The following CEP63 variants were observed in gnomAD, a reference collection of about 807,000 sequenced individuals.
The protein encoded by CEP63 is centrosomal protein 63, also known as centrosomal protein of 63 kDa.
A neutral mutation model predicts 89.1 loss-of-function variants in CEP63; 84 were observed. The ratio of observed to expected loss-of-function variants is 0.94; its 90% CI spans 0.79 to 1.13. CEP63 has a LOEUF of 1.13. CEP63 is among the 50% of genes most tolerant of loss of function. CEP63 has a pLI of 0.00. For missense variants in CEP63, 838 were observed against 813.3 expected (o/e 1.03, Z -0.37); for synonymous variants, 267 against 272.5 (o/e 0.98, Z 0.20).
intron 14 of CEP63, among the ~76,000 whole-genome samples, chr3:134,560,115 T>A (rs577406929): frequency 1.3e-5 from 2 of 152,352 alleles, no homozygotes; most frequent in Admixed American, 6.5e-5. Context: ...CTCACTTCAC[T>A]TTCTTCCTAA....
chr3:134,542,665 A>C (rs945071585), intron 6 of CEP63, among the ~76,000 whole-genome samples: 3 of 152,212 alleles, frequency 2.0e-5, no homozygotes, highest in African/African-American at 7.2e-5. Context: ...AAGCACCAGG[A>C]AGTAGCTATC....
Position 134,545,801 on chromosome 3 carries a change from A to G in CEP63, c.771A>G (p.Glu257=), listed in dbSNP as rs747435681. The change falls in exon 7 of 15, where the codon GAA becomes GAG. Residue 257 remains glutamate (E), a synonymous_variant. Coordinates refer to ENST00000675561, the MANE Select transcript of CEP63 (RefSeq NM_001353108.3). ...EQQQKEEKLR[E]SEKLLEALQE... ...AGCAAAAAGAAGAAAAATTGAGGGAATCTGAAAAACTATTAGAGGTATGTT... is the reference window on the plus strand; with the variant it reads ...AGCAAAAAGAAGAAAAATTGAGGGAGTCTGAAAAACTATTAGAGGTATGTT... 3.1e-6 allele frequency: 5 copies of G among 1,612,274 alleles called. No homozygotes were observed. The East Asian group carries it at 1.1e-4, about 36-fold the overall frequency.
At chr3:134,751,170 T>C in the CEP63 span, among the ~76,000 whole-genome samples, 45 of 152,246 alleles carry the variant, frequency 3.0e-4, no homozygotes, top group Admixed American at 2.7e-3. Context: ...ATCTAGTTTC[T>C]TTCACTTAGT....
At chr3:134,515,077 T>A (rs1945919739) in intron 3 of CEP63, among the ~76,000 whole-genome samples, 1 of 152,220 alleles carries the variant, frequency 6.6e-6, no homozygotes. Context: ...GGTGTTATAT[T>A]TAAGTCAGGT....
chr3:134,757,789 A>G, the CEP63 span, among the ~76,000 whole-genome samples: 1 of 152,128 alleles, frequency 6.6e-6, no homozygotes, highest in Non-Finnish European at 1.5e-5. Context: ...CACCAAAGGT[A>G]GTGGTGCTAA....
chr3:134,779,124 T>G, the CEP63 span, among the ~76,000 whole-genome samples: 2 of 152,226 alleles, frequency 1.3e-5, no homozygotes, highest in African/African-American at 4.8e-5. Context: ...GTGAAAAATT[T>G]TATCTATTTT....
chr3:134,761,747 C>G, the CEP63 span, among the ~76,000 whole-genome samples: 1 of 152,122 alleles, frequency 6.6e-6, no homozygotes, highest in Non-Finnish European at 1.5e-5. Context: ...CTCTCTCTCT[C>G]TCTCCCCCCT....
At chr3:134,670,569 T>C in the CEP63 span, among the ~76,000 whole-genome samples, 1 of 152,218 alleles carries the variant, frequency 6.6e-6, no homozygotes, top group African/African-American at 2.4e-5. Flanking sequence ...ACTCTCACAT[T>C]AGCAGGACAG....
chr3:134,579,338 T>C (rs1463974946), downstream of CEP63, among the ~76,000 whole-genome samples: 1 of 152,214 alleles, frequency 6.6e-6, no homozygotes, highest in Non-Finnish European at 1.5e-5. Context: ...GCTGGGTTTA[T>C]GTTTAACTTT....
At chr3:134,712,590 C>T in the CEP63 span, among the ~76,000 whole-genome samples, 1 of 152,062 alleles carries the variant, frequency 6.6e-6, no homozygotes, top group Non-Finnish European at 1.5e-5. Context: ...AAAGTTTTTT[C>T]TCTCCCTGGA....
chr3:134,532,556 T>A (rs1475961052), intron 4 of CEP63, among the ~76,000 whole-genome samples: 1 of 152,182 alleles, frequency 6.6e-6, no homozygotes, highest in Non-Finnish European at 1.5e-5. Context: ...ACAAAACTTT[T>A]GTTTAAAATT....
chr3:134,768,033 T>C, the CEP63 span, among the ~76,000 whole-genome samples: 1,067 of 152,284 alleles, frequency 7.0e-3, 10 homozygotes, highest in Non-Finnish European at 9.2e-3. Flanking sequence ...GAGTGTGCTC[T>C]GGGAGCTTCA....
At chr3:134,718,392 G>A in the CEP63 span, among the ~76,000 whole-genome samples, 2 of 152,212 alleles carry the variant, frequency 1.3e-5, no homozygotes, top group Non-Finnish European at 2.9e-5. Flanking sequence ...TTCATGTTAA[G>A]TGAGCAAATA....
the CEP63 span, among the ~76,000 whole-genome samples, chr3:134,594,125 G>C: frequency 3.3e-5 from 5 of 152,202 alleles, no homozygotes; most frequent in Non-Finnish European, 7.3e-5. Flanking sequence ...TATGAGCAAA[G>C]TGTTCACTAG....
chr3:134,679,804 C>A, the CEP63 span, among the ~76,000 whole-genome samples: 1 of 152,180 alleles, frequency 6.6e-6, no homozygotes, highest in South Asian at 2.1e-4. Context: ...CTCACTGCAA[C>A]CTCTGCCTCC....
intron 12 of CEP63, among the ~76,000 whole-genome samples, chr3:134,555,798 A>T (rs1033019271): frequency 1.7e-4 from 26 of 152,048 alleles, no homozygotes; most frequent in African/African-American, 6.0e-4. Context: ...GGAACCAAAA[A>T]AGAGCCCGCA....
chr3:134,541,737 T>C (rs1207491197), intron 6 of CEP63, among the ~76,000 whole-genome samples: 1 of 139,380 alleles, frequency 7.2e-6, no homozygotes, highest in Non-Finnish European at 1.6e-5. Context: ...TTTCTCGAAC[T>C]CCTGACCTCA....
chr3:134,682,829 A>G, the CEP63 span, among the ~76,000 whole-genome samples: 1 of 152,198 alleles, frequency 6.6e-6, no homozygotes, highest in African/African-American at 2.4e-5. Flanking sequence ...AGGCACAAAT[A>G]AATTAAGTGA....
the CEP63 span, chr3:134,651,060 G>A: frequency 3.2e-6 from 5 of 1,545,208 alleles, no homozygotes; most frequent in Non-Finnish European, 4.4e-6. Flanking sequence ...GGGAGAGGGC[G>A]AGGGCGCGGA....
Sources: gnomAD v4.1 joint callset for allele counts (sites outside exome capture counted in the v4.1 genomes callset) on GRCh38, gnomAD v4.1.1 for gene constraint, MANE v1.5 for transcripts, NCBI Gene and HGNC (gene_info 2026-07-23, HGNC 2026-07-21) for gene names.